The following SLC15A1 variants were observed in gnomAD, a reference collection of about 807,000 sequenced individuals.
SLC15A1 encodes the protein solute carrier family 15 member 1.
In SLC15A1, 83 loss-of-function variants were observed where a neutral mutation model predicts 92.9. The ratio of observed to expected loss-of-function variants is 0.89; its 90% CI spans 0.75 to 1.07. The LOEUF (loss-of-function observed/expected upper bound fraction) is 1.07, where lower values mean the gene tolerates loss of function less well. Among genes scored for constraint, SLC15A1 ranks in the 50% least tolerant of loss-of-function variants. The pLI is 0.00. For missense variants in SLC15A1, 857 were observed against 880.1 expected (o/e 0.97, Z 0.33); for synonymous variants, 322 against 318.2 (o/e 1.01, Z -0.13).
chr13:98,717,428 C>A (rs143433401), intron 8 of SLC15A1, among the ~76,000 whole-genome samples: 2 of 152,266 alleles, frequency 1.3e-5, no homozygotes, highest in Admixed American at 6.5e-5. Flanking sequence ...GTTGACACAT[C>A]GGATTTGGCC....
In SLC15A1 at chr13:98,687,726, T is replaced by G; in HGVS notation, c.1684-2A>C. The G allele has an allele frequency of 6.2e-7, 1 of 1,612,396 alleles. No individual in the cohort carries two copies. The highest frequency in any genetic ancestry group is 1.3e-5 in the African/African-American group (1 of 74,968). Reference sequence around the variant, plus strand: ...CTTCACTTCAGGGCAGCTGTCATTCTGCAGCAGTAAGGCAAAAGCAGAAGA... The same window carrying G: ...CTTCACTTCAGGGCAGCTGTCATTCGGCAGCAGTAAGGCAAAAGCAGAAGA... On this transcript the variant is annotated splice_acceptor_variant, in intron 20 of 22. Coordinates refer to ENST00000376503, the MANE Select transcript of SLC15A1 (RefSeq NM_005073.4). LOFTEE classifies it high-confidence loss of function.
chr13:98,724,127 A>G (rs1593999077), intron 4 of SLC15A1, 96 bp from the exon 5 acceptor site: 1 of 1,484,838 alleles, frequency 6.7e-7, no homozygotes, highest in African/African-American at 1.4e-5. Flanking sequence ...AAAGCTTTCA[A>G]GAGCCCAATC....
At chr13:98,712,687 G>T in intron 9 of SLC15A1, 103 bp from the exon 10 acceptor site, 1 of 751,716 alleles carries the variant, frequency 1.3e-6, no homozygotes, top group Non-Finnish European at 2.2e-6. Context: ...ATACGTGTGA[G>T]AAAAGCAAAA....
At chr13:98,693,087 GTTTTTTTTT>G (rs55817470) in intron 18 of SLC15A1, among the ~76,000 whole-genome samples, 1 of 58,010 alleles carries the variant, frequency 1.7e-5, no homozygotes, top group Non-Finnish European at 3.0e-5. Flanking sequence ...TATTGTCTAC[GTTTTTTTTT>G]TTTTTTTTTT....
chr13:98,726,075 C>T, intron 4 of SLC15A1, 48 bp downstream of exon 4: 1 of 1,606,022 alleles, frequency 6.2e-7, no homozygotes, highest in East Asian at 2.2e-5. Context: ...ACAAAACCTA[C>T]ATTTACTTTT....
At position 98,683,962 on chromosome 13, in the gene SLC15A1, G is replaced by T. The variant is rs2087908557; in HGVS notation, c.*762C>A. ...GTAAAGTTATCAGTTAATACCAGCTGGTCCTTATCACAGCCATTTCAAACC... is the reference window on the plus strand; with the variant it reads ...GTAAAGTTATCAGTTAATACCAGCTTGTCCTTATCACAGCCATTTCAAACC... On this transcript the variant is annotated 3_prime_UTR_variant, in exon 23 of 23. Transcript: ENST00000376503. The T allele has an allele frequency of 6.6e-6, 1 of 152,162 alleles. No individual in the cohort carries two copies. The highest frequency in any genetic ancestry group is 1.9e-4 in the East Asian group (1 of 5,196). 9.4% of individuals were successfully genotyped at this position (152,162 alleles called of 1,614,324 possible).
At chr13:98,739,311 A>T (rs1174702082) in intron 1 of SLC15A1, among the ~76,000 whole-genome samples, 1 of 152,214 alleles carries the variant, frequency 6.6e-6, no homozygotes, top group African/African-American at 2.4e-5. Context: ...TTGGGAAGGC[A>T]TGCTTGTATT....
At chr13:98,697,429 G>C (rs1322131318) in intron 18 of SLC15A1, among the ~76,000 whole-genome samples, 2 of 152,034 alleles carry the variant, frequency 1.3e-5, no homozygotes, top group Non-Finnish European at 2.9e-5. Context: ...TGACCTCATG[G>C]AGAAGGAAAC....
chr13:98,689,848 T>C (rs2087960895), intron 18 of SLC15A1, among the ~76,000 whole-genome samples: 1 of 152,206 alleles, frequency 6.6e-6, no homozygotes, highest in Non-Finnish European at 1.5e-5. Context: ...TTTGAATGGA[T>C]ACCCAATAAG....
intron 4 of SLC15A1, 75 bp from the exon 5 acceptor site, chr13:98,724,106 C>T (rs2088280670): frequency 1.3e-6 from 2 of 1,573,416 alleles, no homozygotes; most frequent in African/African-American, 1.4e-5. Flanking sequence ...CCACAAAAGA[C>T]CCCCTCCTTG....
intron 18 of SLC15A1, among the ~76,000 whole-genome samples, chr13:98,689,221 G>A (rs2087956786): frequency 1.3e-5 from 2 of 152,034 alleles, no homozygotes; most frequent in Non-Finnish European, 1.5e-5. Context: ...ATTGCAGGTG[G>A]GAGCCACTGC....
At chr13:98,737,017 C>T (rs1024840337) in intron 1 of SLC15A1, among the ~76,000 whole-genome samples, 1 of 152,210 alleles carries the variant, frequency 6.6e-6, no homozygotes, top group African/African-American at 2.4e-5. Flanking sequence ...GATTATAAAT[C>T]ATGCTACTAT....
At chr13:98,731,780 C>A (rs547222379) in intron 1 of SLC15A1, among the ~76,000 whole-genome samples, 1,798 of 152,252 alleles carry the variant, frequency 0.012, 23 homozygotes, top group South Asian at 0.035. Context: ...TTCTCTACTC[C>A]AACCCACTAC....
chr13:98,731,476 C>A (rs936008440), intron 1 of SLC15A1, among the ~76,000 whole-genome samples: 6 of 152,170 alleles, frequency 3.9e-5, no homozygotes, highest in Non-Finnish European at 2.9e-5. Flanking sequence ...CTTACCATTG[C>A]CTCCCAAAGC....
intron 1 of SLC15A1, among the ~76,000 whole-genome samples, chr13:98,747,572 G>C (rs1468914474): frequency 6.6e-6 from 1 of 152,096 alleles, no homozygotes; most frequent in Non-Finnish European, 1.5e-5. Flanking sequence ...AAGGGCAGTA[G>C]AAAAAAATTA....
chr13:98,723,205 C>T (rs1422797589), intron 5 of SLC15A1, among the ~76,000 whole-genome samples: 1 of 152,168 alleles, frequency 6.6e-6, no homozygotes, highest in East Asian at 1.9e-4. Flanking sequence ...TCCCTCTGGG[C>T]ACCAAGAGTG....
At chr13:98,751,726 C>G (rs1191903944) in intron 1 of SLC15A1, among the ~76,000 whole-genome samples, 1 of 152,216 alleles carries the variant, frequency 6.6e-6, no homozygotes, top group Non-Finnish European at 1.5e-5. Context: ...GGGCTGGGCA[C>G]TGACACACAT....
chr13:98,728,577 G>A (rs1003947535), intron 1 of SLC15A1, among the ~76,000 whole-genome samples: 1 of 152,182 alleles, frequency 6.6e-6, no homozygotes, highest in African/African-American at 2.4e-5. Flanking sequence ...GTGAAGGTGG[G>A]AGGATGAAGC....
chr13:98,730,249 GA>G (rs1485009628), intron 1 of SLC15A1, among the ~76,000 whole-genome samples: 1 of 22,670 alleles, frequency 4.4e-5, no homozygotes, highest in African/African-American at 1.4e-4. Context: ...AGGGGAAGGG[GA>G]GGGGAAGGGG....
Sources: allele counts gnomAD v4.1 joint callset (sites outside exome capture counted in the v4.1 genomes callset), GRCh38; gene constraint gnomAD v4.1.1; transcripts MANE v1.5; gene names NCBI Gene and HGNC (gene_info 2026-07-23, HGNC 2026-07-21).